Variants in KIF24 observed in about 807,000 individuals in gnomAD.
KIF24 encodes kinesin family member 24.
A neutral mutation model predicts 118.9 loss-of-function variants in KIF24; 81 were observed. The observed-to-expected ratio is 0.68, with a 90% CI of 0.57 to 0.82. The LOEUF is 0.82. KIF24 is among the 40% of genes least tolerant of loss of function. The pLI, the probability that KIF24 is intolerant of heterozygous loss-of-function variation, is 0.00. For missense variants in KIF24, 1,560 were observed against 1,661.6 expected, an observed-to-expected ratio of 0.94 and a Z score of 1.06; for synonymous variants, 599 against 610.0, an observed-to-expected ratio of 0.98 and a Z score of 0.27.
At chr9:34,273,308 G>A (rs1226365083) in intron 6 of KIF24, among the ~76,000 whole-genome samples, 1 of 149,508 alleles carries the variant, frequency 6.7e-6, no homozygotes, top group Non-Finnish European at 1.5e-5. Flanking sequence ...TTACTGGTGT[G>A]ATATATTTCA....
Position 34,271,950 on chromosome 9 carries a change from G to A in KIF24, c.1216-20C>T. The A allele has an allele frequency of 6.4e-7, 1 of 1,570,320 alleles. No individual in the cohort carries two copies. The highest frequency in any genetic ancestry group is 8.6e-7 in the Non-Finnish European group (1 of 1,157,126). On this transcript the variant is annotated intron_variant, in intron 6 of 12. Transcript: ENST00000402558. Reference sequence around the variant, plus strand: ...GATCACCTGAAAATAAAATCCACAGGATGACTTCCCCAAGGAGTAAACAAA... The same window carrying A: ...GATCACCTGAAAATAAAATCCACAGAATGACTTCCCCAAGGAGTAAACAAA...
intron 5 of KIF24, among the ~76,000 whole-genome samples, chr9:34,287,782 G>C (rs928256624): frequency 6.6e-6 from 1 of 152,020 alleles, no homozygotes; most frequent in South Asian, 2.1e-4. Flanking sequence ...TGTAGTCCCA[G>C]CTATTCAGAA....
chr9:34,296,488 G>A (rs753881893), intron 4 of KIF24, among the ~76,000 whole-genome samples: 34 of 150,106 alleles, frequency 2.3e-4, no homozygotes, highest in Non-Finnish European at 4.3e-4. Flanking sequence ...AGTGAGCTGA[G>A]ATCACGCCAC....
chr9:34,332,357 C>T (rs1299369639), upstream of KIF24, among the ~76,000 whole-genome samples: 1 of 152,180 alleles, frequency 6.6e-6, no homozygotes, highest in Non-Finnish European at 1.5e-5. Flanking sequence ...TCTTTGCTGC[C>T]TTTCCATCTT....
chr9:34,311,670 G>A (rs957570877), intron 1 of KIF24, among the ~76,000 whole-genome samples: 2 of 101,960 alleles, frequency 2.0e-5, no homozygotes, highest in East Asian at 8.1e-4. Context: ...ACATATATAC[G>A]TGTATATGTA....
At chr9:34,280,089 C>T (rs1305731998) in intron 6 of KIF24, among the ~76,000 whole-genome samples, 2 of 151,402 alleles carry the variant, frequency 1.3e-5, no homozygotes, top group African/African-American at 2.4e-5. Context: ...TCGAGACCAT[C>T]CCGGCTAAAA....
chr9:34,295,194 T>TAGACAGAC lies in KIF24; in HGVS notation c.911+1815_911+1822dup, dbSNP rs111912796. Among the ~76,000 whole-genome samples, 1,097 of 149,676 alleles carry TAGACAGAC rather than the reference T, an allele frequency of 7.3e-3. 11 individuals are homozygous for TAGACAGAC. The highest frequency in any genetic ancestry group is 0.035 in the East Asian group (177 of 4,986). ...TAGGTAGGTGGATTGGATGGATGGA[T>TAGACAGAC]AGACAGACAGACAGACAGACAGACA... On this transcript the variant is annotated intron_variant, in intron 4 of 12. Transcript: ENST00000402558.
At chr9:34,304,139 C>T (rs1836828009) in intron 3 of KIF24, among the ~76,000 whole-genome samples, 1 of 152,062 alleles carries the variant, frequency 6.6e-6, no homozygotes, top group African/African-American at 2.4e-5. Flanking sequence ...ACACAAAAAC[C>T]TATTATCTCT....
At chr9:34,261,610 A>G (rs1835060305) in intron 9 of KIF24, among the ~76,000 whole-genome samples, 1 of 151,968 alleles carries the variant, frequency 6.6e-6, no homozygotes, top group African/African-American at 2.4e-5. Context: ...TTTCACCTTT[A>G]CTCCCATTGT....
chr9:34,316,406 T>C (rs1463378437), intron 1 of KIF24, among the ~76,000 whole-genome samples: 3 of 152,080 alleles, frequency 2.0e-5, no homozygotes, highest in Non-Finnish European at 4.4e-5. Context: ...AAAGATTCCA[T>C]GACACCTGCT....
intron 1 of KIF24, among the ~76,000 whole-genome samples, chr9:34,328,007 A>G (rs547050315): frequency 1.4e-4 from 22 of 152,176 alleles, no homozygotes; most frequent in Non-Finnish European, 2.2e-4. Context: ...TAACAAGAAC[A>G]TAGCTGCTGT....
intron 3 of KIF24, among the ~76,000 whole-genome samples, chr9:34,300,034 C>T (rs1046625441): frequency 1.3e-5 from 2 of 151,956 alleles, no homozygotes; most frequent in African/African-American, 2.4e-5. Flanking sequence ...TGGACTTGGG[C>T]CAATTTACTG....
intron 6 of KIF24, among the ~76,000 whole-genome samples, chr9:34,274,995 C>T (rs1835605499): frequency 6.6e-6 from 1 of 152,036 alleles, no homozygotes; most frequent in Non-Finnish European, 1.5e-5. Context: ...ACCACAGAGG[C>T]TGGGAAGGGT....
rs759651493 is a variant in KIF24, at chr9:34,257,520, C to T, written c.2087G>A (p.Arg696His). ...CTTGCACTTGGTGGACAGCTTACCA[C>T]GCACTAGGCCTTCTCCTGGGCCTGA... ...RASGPGEGLV[R>H]GKLSTKCKKV... is the part of the protein sequence containing the mutation. The change falls in exon 11 of 13, where the codon CGT (arginine) becomes CAT (histidine). Residue 696 changes from arginine (R) to histidine (H), a missense_variant. Transcript: ENST00000402558. The T allele has an allele frequency of 4.8e-5, 78 of 1,613,962 alleles. No homozygotes were observed. In the East Asian group the frequency reaches 9.1e-4, roughly 19 times the overall value.
chr9:34,287,328 A>C (rs1836088137), intron 5 of KIF24, among the ~76,000 whole-genome samples: 1 of 152,224 alleles, frequency 6.6e-6, no homozygotes, highest in African/African-American at 2.4e-5. Flanking sequence ...TTAAGCTAGT[A>C]CACATGGGGT....
At chr9:34,282,946 G>C (rs1180969831) in intron 6 of KIF24, among the ~76,000 whole-genome samples, 1 of 150,340 alleles carries the variant, frequency 6.7e-6, no homozygotes, top group African/African-American at 2.4e-5. Context: ...CAGCCACTCA[G>C]GAGGTTGAGG....
intron 1 of KIF24, 50 bp from the exon 2 acceptor site, chr9:34,311,421 C>T (rs1207072293): frequency 1.3e-5 from 12 of 926,006 alleles, no homozygotes; most frequent in Non-Finnish European, 1.8e-5. Context: ...ACATGTAATA[C>T]AATTATTTAT....
At chr9:34,289,319 C>A (rs532141596) in intron 5 of KIF24, among the ~76,000 whole-genome samples, 1 of 152,190 alleles carries the variant, frequency 6.6e-6, no homozygotes, top group African/African-American at 2.4e-5. Context: ...CATTCCATTG[C>A]TTGCTTGGAG....
intron 6 of KIF24, among the ~76,000 whole-genome samples, chr9:34,283,458 C>A (rs1402090611): frequency 2.6e-5 from 4 of 151,928 alleles, no homozygotes; most frequent in South Asian, 2.1e-4. Flanking sequence ...ACTAGTGGAT[C>A]ATACACTTTA....
Sources: gnomAD v4.1 joint callset for allele counts (sites outside exome capture counted in the v4.1 genomes callset) on GRCh38, gnomAD v4.1.1 for gene constraint, MANE v1.5 for transcripts, NCBI Gene and HGNC (gene_info 2026-07-23, HGNC 2026-07-21) for gene names.